Variants in LARGE1 observed in about 807,000 individuals in gnomAD.
LARGE1 encodes xylosyl- and glucuronyltransferase LARGE1.
LARGE1 carries 43 observed loss-of-function variants against 87.6 expected under a neutral mutation model. The ratio of observed to expected loss-of-function variants is 0.49; its 90% CI spans 0.38 to 0.63. The LOEUF (loss-of-function observed/expected upper bound fraction) is 0.63. Among genes scored for constraint, LARGE1 ranks in the 30% least tolerant of loss-of-function variants. LARGE1 has a pLI of 0.00. For missense variants in LARGE1, 802 were observed against 1,000.2 expected (o/e 0.80, Z 2.67); for synonymous variants, 434 against 394.6 (o/e 1.10, Z -1.18).
chr22:33,072,005 C>A, the LARGE1 span, among the ~76,000 whole-genome samples: 1 of 151,416 alleles, frequency 6.6e-6, no homozygotes, highest in Non-Finnish European at 1.5e-5. Flanking sequence ...TGGAGCACTA[C>A]AGGTCCTTTA....
At chr22:33,149,944 C>T in the LARGE1 span, among the ~76,000 whole-genome samples, 1 of 152,210 alleles carries the variant, frequency 6.6e-6, no homozygotes, top group Non-Finnish European at 1.5e-5. Context: ...TTTTTTATCA[C>T]TTGTCTGTCA....
chr22:33,671,266 C>T (rs746915878), intron 2 of LARGE1, among the ~76,000 whole-genome samples: 4 of 152,214 alleles, frequency 2.6e-5, no homozygotes, highest in Non-Finnish European at 5.9e-5. Context: ...CCCAGAATGG[C>T]TACATTTCAC....
At chr22:33,845,624 A>G (rs1432568263) in intron 1 of LARGE1, among the ~76,000 whole-genome samples, 1 of 152,186 alleles carries the variant, frequency 6.6e-6, no homozygotes, top group South Asian at 2.1e-4. Context: ...GGACCTTATA[A>G]TGCATATCTT....
intron 2 of LARGE1, among the ~76,000 whole-genome samples, chr22:33,693,885 C>G (rs771283904): frequency 2.6e-5 from 4 of 152,116 alleles, no homozygotes; most frequent in Non-Finnish European, 5.9e-5. Flanking sequence ...CCCAGAAGCA[C>G]GCTGTAGGGT....
Position 33,400,584 on chromosome 22 carries a change from C to G in LARGE1, c.893-16280G>C, listed in dbSNP as rs537426675. ...GATGCTTCACGGCACACGATGATGT[C>G]TCATTTCCCTCCCCAGAAGGGAGAG... On this transcript the variant is annotated intron_variant, in intron 7 of 14. Transcript: ENST00000397394. 7.2e-5 allele frequency among the ~76,000 whole-genome samples: 11 copies of G among 152,326 alleles called. No homozygotes were observed. In the East Asian group the frequency reaches 1.9e-3, roughly 27 times the overall value.
the LARGE1 span, among the ~76,000 whole-genome samples, chr22:33,075,288 G>A: frequency 6.6e-6 from 1 of 152,018 alleles, no homozygotes; most frequent in African/African-American, 2.4e-5. Context: ...AAATACCGTG[G>A]TCTTCTAACT....
chr22:33,270,110 C>A (rs1255079331), downstream of LARGE1, among the ~76,000 whole-genome samples: 1 of 152,002 alleles, frequency 6.6e-6, no homozygotes, highest in African/African-American at 2.4e-5. Context: ...ACCCCCATTA[C>A]CTCCTTTTGG....
chr22:33,174,664 C>T (rs942897218), intron 11 of LARGE1, among the ~76,000 whole-genome samples: 1 of 152,106 alleles, frequency 6.6e-6, no homozygotes, highest in Non-Finnish European at 1.5e-5. Context: ...GGGAATATCA[C>T]CACGGATCCC....
chr22:33,402,577 C>G (rs1374443043), intron 7 of LARGE1, among the ~76,000 whole-genome samples: 2 of 152,162 alleles, frequency 1.3e-5, no homozygotes, highest in Non-Finnish European at 2.9e-5. Flanking sequence ...TTAATAACTG[C>G]TCTGTGCTTT....
chr22:33,610,702 C>T (rs757399661), intron 4 of LARGE1, among the ~76,000 whole-genome samples: 13 of 152,056 alleles, frequency 8.5e-5, no homozygotes, highest in African/African-American at 3.1e-4. Context: ...TAAAAAGGGG[C>T]CAGGTACGAC....
chr22:33,070,675 C>T, the LARGE1 span, among the ~76,000 whole-genome samples: 2 of 152,164 alleles, frequency 1.3e-5, no homozygotes, highest in South Asian at 2.1e-4. Context: ...GTGCAGGGGG[C>T]GGGACTGTGA....
rs561937684 is a variant in LARGE1 at position 33,913,721 on chromosome 22, T to G, written c.-83+6274A>C. Reference sequence around the variant, plus strand: ...ACCATGCCCAGCTAATTTTTTTTTTTGTATTTTTAGTAGACACGGGGTTTC... The same window carrying G: ...ACCATGCCCAGCTAATTTTTTTTTTGGTATTTTTAGTAGACACGGGGTTTC... On this transcript the variant is annotated intron_variant, in intron 1 of 14. Coordinates refer to ENST00000397394, the MANE Select transcript of LARGE1 (RefSeq NM_133642.5). Among the ~76,000 whole-genome samples the G allele has an allele frequency of 4.2e-3, 639 of 152,136 alleles. 5 individuals carry two copies. Among genetic ancestry groups the G allele is most frequent in the Middle Eastern group, 6.8e-3 (2 of 294 alleles).
chr22:33,845,590 G>A (rs1284444962), intron 1 of LARGE1, among the ~76,000 whole-genome samples: 4 of 152,116 alleles, frequency 2.6e-5, no homozygotes, highest in Admixed American at 2.0e-4. Flanking sequence ...TTACAAGTGT[G>A]AGCCACCACG....
chr22:33,491,419 G>C (rs907785845), intron 6 of LARGE1, among the ~76,000 whole-genome samples: 7 of 152,176 alleles, frequency 4.6e-5, no homozygotes, highest in African/African-American at 1.7e-4. Context: ...CAGAACCTCT[G>C]ATAAAAGTAG....
At chr22:33,337,948 A>G (rs1333311797) in intron 9 of LARGE1, 147 bp from the exon 10 acceptor site, 1 of 873,852 alleles carries the variant, frequency 1.1e-6, no homozygotes, top group African/African-American at 1.7e-5. Flanking sequence ...AGAGTGGTTA[A>G]GGGTAGGGGC....
intron 6 of LARGE1, among the ~76,000 whole-genome samples, chr22:33,455,069 G>A (rs1439564992): frequency 6.6e-6 from 1 of 152,234 alleles, no homozygotes; most frequent in Non-Finnish European, 1.5e-5. Context: ...ATTAATATGT[G>A]TGTTTGACAG....
chr22:33,198,828 T>C (rs1402399287), intron 11 of LARGE1, among the ~76,000 whole-genome samples: 1 of 152,224 alleles, frequency 6.6e-6, no homozygotes, highest in Non-Finnish European at 1.5e-5. Context: ...CAGTCTCTTT[T>C]TGATATAATG....
chr22:33,375,613 C>T (rs538743164), intron 9 of LARGE1, among the ~76,000 whole-genome samples: 3 of 152,330 alleles, frequency 2.0e-5, no homozygotes, highest in African/African-American at 7.2e-5. Flanking sequence ...TTCTAGGGTT[C>T]TCAGCCTTAG....
At chr22:33,183,246 A>T (rs896278543) in intron 11 of LARGE1, among the ~76,000 whole-genome samples, 1 of 152,154 alleles carries the variant, frequency 6.6e-6, no homozygotes, top group African/African-American at 2.4e-5. Context: ...ATCACTGATA[A>T]TCAGAGAAAT....
Sources: gnomAD v4.1 joint callset for allele counts (sites outside exome capture counted in the v4.1 genomes callset) on GRCh38, gnomAD v4.1.1 for gene constraint, MANE v1.5 for transcripts, NCBI Gene and HGNC (gene_info 2026-07-23, HGNC 2026-07-21) for gene names.